YEATS4: variants seen among roughly 807,000 people sequenced by gnomAD.
YEATS4 encodes YEATS domain containing 4.
Under a neutral mutation model 30.1 loss-of-function variants are expected in YEATS4, and 17 were observed. The ratio of observed to expected loss-of-function variants is 0.56; its 90% confidence interval spans 0.39 to 0.85. The LOEUF (loss-of-function observed/expected upper bound fraction) is 0.85. Ranked by LOEUF, YEATS4 falls within the 40% of genes least tolerant of loss-of-function variation. The pLI, the probability that YEATS4 is intolerant of heterozygous loss-of-function variation, is 0.00. For missense variants in YEATS4, 142 were observed against 268.3 expected, an observed-to-expected ratio of 0.53 and a Z score of 3.29; for synonymous variants, 85 against 87.5, an observed-to-expected ratio of 0.97 and a Z score of 0.16.
At chr12:69,366,802 T>C (rs376536107) in intron 4 of YEATS4, among the ~76,000 whole-genome samples, 3 of 152,356 alleles carry the variant, frequency 2.0e-5, no homozygotes, top group African/African-American at 7.2e-5. Flanking sequence ...TTAAAGGAGC[T>C]GAATATCACC....
Position 69,390,388 on chromosome 12 carries a change from C to T in YEATS4, c.*72C>T, listed in dbSNP as rs901134935. ...GGGCTTCACTGGAGAAATGGACTTACTGCAAATGCTGTGATGTTTCTTAGA... is the reference window on the plus strand; with the variant it reads ...GGGCTTCACTGGAGAAATGGACTTATTGCAAATGCTGTGATGTTTCTTAGA... On this transcript the variant is annotated 3_prime_UTR_variant, in exon 7 of 7. Coordinates refer to ENST00000247843, the MANE Select transcript of YEATS4 (RefSeq NM_006530.4). 2.0e-5 allele frequency: 27 copies of T among 1,358,632 alleles called. No individual in the cohort carries two copies. Among genetic ancestry groups the T allele is most frequent in the African/African-American group, 9.0e-5 (6 of 66,930 alleles). 84.2% of individuals were successfully genotyped at this position (1,358,632 alleles called of 1,614,324 possible).
At chr12:69,421,317 A>G in the YEATS4 span, among the ~76,000 whole-genome samples, 1 of 152,234 alleles carries the variant, frequency 6.6e-6, no homozygotes, top group African/African-American at 2.4e-5. Flanking sequence ...ACATGAAGCC[A>G]AAATTAGTAG....
chr12:69,416,593 A>G, the YEATS4 span, among the ~76,000 whole-genome samples: 1 of 152,178 alleles, frequency 6.6e-6, no homozygotes, highest in Admixed American at 6.6e-5. Context: ...CCTGGGTCAC[A>G]TTCCTGCCCA....
chr12:69,411,700 C>T, the YEATS4 span, among the ~76,000 whole-genome samples: 6,341 of 152,226 alleles, frequency 0.042, 191 homozygotes, highest in Non-Finnish European at 0.065. Context: ...GAGAAGGTGG[C>T]ATTAGTGCGA....
chr12:69,389,722 A>G (rs1021371681), intron 6 of YEATS4, among the ~76,000 whole-genome samples: 2 of 152,002 alleles, frequency 1.3e-5, no homozygotes, highest in African/African-American at 2.4e-5. Context: ...TATGTTGGCC[A>G]GGTTGGTCTC....
chr12:69,401,325 C>A, the YEATS4 span: 11 of 152,214 alleles, frequency 7.2e-5, no homozygotes, highest in Admixed American at 6.5e-4. Flanking sequence ...AACCAAATGT[C>A]TACCTATGTC....
At chr12:69,401,894 C>T in the YEATS4 span, among the ~76,000 whole-genome samples, 1 of 152,254 alleles carries the variant, frequency 6.6e-6, no homozygotes, top group East Asian at 1.9e-4. Context: ...TCTTGCTTGC[C>T]TCTGTTTCAC....
chr12:69,375,639 G>A (rs894783246), intron 6 of YEATS4, among the ~76,000 whole-genome samples: 9 of 152,204 alleles, frequency 5.9e-5, no homozygotes, highest in East Asian at 3.9e-4. Flanking sequence ...GCGAGACTCC[G>A]TCTGCAATCC....
At chr12:69,385,731 G>A (rs1317728209) in intron 6 of YEATS4, among the ~76,000 whole-genome samples, 3 of 152,194 alleles carry the variant, frequency 2.0e-5, no homozygotes, top group Admixed American at 2.0e-4. Context: ...TAGCTTTTTA[G>A]TTGCTTCTTC....
At chr12:69,413,209 G>A in the YEATS4 span, among the ~76,000 whole-genome samples, 8 of 152,038 alleles carry the variant, frequency 5.3e-5, no homozygotes, top group Non-Finnish European at 1.2e-4. Context: ...GGAAAGGAGG[G>A]CAAGACCAGT....
chr12:69,416,773 T>TCAATACTTAAG, the YEATS4 span, among the ~76,000 whole-genome samples: 1 of 152,168 alleles, frequency 6.6e-6, no homozygotes, highest in East Asian at 1.9e-4. Flanking sequence ...AGATGAACAG[T>TCAATACTTAAG]CAATACTTAA....
the YEATS4 span, among the ~76,000 whole-genome samples, chr12:69,399,940 A>G: frequency 6.6e-6 from 1 of 152,218 alleles, no homozygotes; most frequent in Non-Finnish European, 1.5e-5. Context: ...CCATAGAGAC[A>G]GAAAGTGATT....
intron 6 of YEATS4, among the ~76,000 whole-genome samples, chr12:69,388,101 A>C (rs1868273827): frequency 6.6e-6 from 1 of 150,606 alleles, no homozygotes; most frequent in South Asian, 2.1e-4. Flanking sequence ...GCTGTCGCCC[A>C]GGCTGGATGG....
At chr12:69,400,430 C>A in the YEATS4 span, among the ~76,000 whole-genome samples, 1 of 148,854 alleles carries the variant, frequency 6.7e-6, no homozygotes, top group African/African-American at 2.5e-5. Context: ...AATATGTATG[C>A]CATATATATA....
the YEATS4 span, among the ~76,000 whole-genome samples, chr12:69,420,624 G>A: frequency 6.6e-6 from 1 of 152,038 alleles, no homozygotes; most frequent in Non-Finnish European, 1.5e-5. Context: ...GAAGATGAAG[G>A]GGATCCTAGC....
chr12:69,403,446 G>A, the YEATS4 span, among the ~76,000 whole-genome samples: 164 of 151,906 alleles, frequency 1.1e-3, 2 homozygotes, highest in East Asian at 0.028. Context: ...GCGTGGTATC[G>A]CACGCCTATA....
chr12:69,397,638 A>G, the YEATS4 span, among the ~76,000 whole-genome samples: 1 of 152,186 alleles, frequency 6.6e-6, no homozygotes, highest in Non-Finnish European at 1.5e-5. Context: ...CTGTGAGTCC[A>G]TTAAACCTCT....
chr12:69,377,346 T>G (rs1437039953), intron 6 of YEATS4, among the ~76,000 whole-genome samples: 1 of 152,222 alleles, frequency 6.6e-6, no homozygotes, highest in Non-Finnish European at 1.5e-5. Flanking sequence ...TTTTGCTGTG[T>G]TGTTTCCATT....
rs1417665510 is a variant in YEATS4 at position 69,390,671 on chromosome 12, A to C, written c.*355A>C. 1 of 154,800 alleles carries C rather than the reference A, an allele frequency of 6.5e-6. No homozygotes were observed. Among genetic ancestry groups the C allele is most frequent in the African/African-American group, 2.4e-5 (1 of 41,510 alleles). 9.6% of individuals were successfully genotyped at this position (154,800 alleles called of 1,614,324 possible). On this transcript the variant is annotated 3_prime_UTR_variant, in exon 7 of 7. Transcript: ENST00000247843. ...ACTTGTACAAATTTTGTACTTCTTTAGTGGCTAGAATTAGTGAAGAAACTT... is the reference window on the plus strand; with the variant it reads ...ACTTGTACAAATTTTGTACTTCTTTCGTGGCTAGAATTAGTGAAGAAACTT...
Sources: allele counts gnomAD v4.1 joint callset (sites outside exome capture counted in the v4.1 genomes callset), GRCh38; gene constraint gnomAD v4.1.1; transcripts MANE v1.5; gene names NCBI Gene and HGNC (gene_info 2026-07-23, HGNC 2026-07-21).